Variants in SLC17A5 observed in about 807,000 individuals in gnomAD.
The protein encoded by SLC17A5 is solute carrier family 17 member 5, also known as sialin.
In SLC17A5, 47 loss-of-function variants were observed where a neutral mutation model predicts 59.4. That is an observed-to-expected ratio of 0.79 (90% CI 0.63 to 1.01). The LOEUF is 1.01. Among genes scored for constraint, SLC17A5 ranks in the 50% least tolerant of loss-of-function variants. The probability of loss-of-function intolerance (pLI) is 0.00; values close to 1 mark genes in which losing one functional copy is unlikely to be tolerated. For synonymous variants in SLC17A5, 202 were observed against 210.7 expected, an observed-to-expected ratio of 0.96 and a Z score of 0.36; for missense variants, 522 against 595.5, an observed-to-expected ratio of 0.88 and a Z score of 1.28.
chr6:73,619,142 C>T (rs1016822873), intron 7 of SLC17A5, among the ~76,000 whole-genome samples: 17 of 152,106 alleles, frequency 1.1e-4, no homozygotes, highest in Admixed American at 3.3e-4. Context: ...AGACACTCAA[C>T]ATTTATTAAG....
chr6:73,626,227 T>C (rs1768405476), intron 6 of SLC17A5, among the ~76,000 whole-genome samples: 1 of 152,206 alleles, frequency 6.6e-6, no homozygotes, highest in Non-Finnish European at 1.5e-5. Flanking sequence ...TCTGATGTTT[T>C]TGAACAATCA....
intron 7 of SLC17A5, among the ~76,000 whole-genome samples, chr6:73,619,625 A>C (rs140578860): frequency 1.3e-5 from 2 of 151,420 alleles, no homozygotes; most frequent in African/African-American, 4.9e-5. Flanking sequence ...CTATATAATT[A>C]TAGAATTATT....
chr6:73,619,546 A>G (rs1768042448), intron 7 of SLC17A5, among the ~76,000 whole-genome samples: 1 of 152,040 alleles, frequency 6.6e-6, no homozygotes, highest in African/African-American at 2.4e-5. Context: ...AACAAAAACA[A>G]AAACACCTAG....
At chr6:73,614,999 G>A (rs1257032764) in intron 8 of SLC17A5, among the ~76,000 whole-genome samples, 1 of 152,110 alleles carries the variant, frequency 6.6e-6, no homozygotes, top group Non-Finnish European at 1.5e-5. Flanking sequence ...TCACAAGCTG[G>A]GACTTGTGAT....
chr6:73,622,046 A>G, intron 6 of SLC17A5, 84 bp from the exon 7 acceptor site: 1 of 1,347,842 alleles, frequency 7.4e-7, no homozygotes. Context: ...CTCTATCCAG[A>G]ATTCATACAG....
At chr6:73,638,989 T>C (rs1490946253) in intron 3 of SLC17A5, among the ~76,000 whole-genome samples, 3 of 151,986 alleles carry the variant, frequency 2.0e-5, no homozygotes, top group Non-Finnish European at 4.4e-5. Context: ...TATTACTAAC[T>C]TATAACTTTA....
At chr6:73,619,085 G>A (rs1768013490) in intron 7 of SLC17A5, among the ~76,000 whole-genome samples, 1 of 152,050 alleles carries the variant, frequency 6.6e-6, no homozygotes, top group African/African-American at 2.4e-5. Flanking sequence ...GGAAGCTCAA[G>A]GAGAAGGAAA....
At chr6:73,610,161 G>A in intron 9 of SLC17A5, among the ~76,000 whole-genome samples, 1 of 151,912 alleles carries the variant, frequency 6.6e-6, no homozygotes, top group African/African-American at 2.4e-5. Flanking sequence ...AGCCTCCTAA[G>A]TAGCTGGGAT....
At position 73,599,151 on chromosome 6, in the gene SLC17A5, C is replaced by T. The variant is rs143471807; in HGVS notation, c.1350+1200G>A. 1.7e-3 allele frequency among the ~76,000 whole-genome samples: 264 copies of T among 152,238 alleles called. 1 individual carries two copies. The highest frequency in any genetic ancestry group is 6.0e-3 in the African/African-American group (248 of 41,558). On this transcript the variant is annotated intron_variant, in intron 10 of 10. Transcript: ENST00000355773. ...GAGCTGAGACTGCACCACTGTACTCCAGACTGGGCAACGGAGTGCGAAACT... is the reference window on the plus strand; with the variant it reads ...GAGCTGAGACTGCACCACTGTACTCTAGACTGGGCAACGGAGTGCGAAACT...
intron 6 of SLC17A5, among the ~76,000 whole-genome samples, chr6:73,624,521 G>A (rs1768313337): frequency 6.6e-6 from 1 of 152,048 alleles, no homozygotes; most frequent in Non-Finnish European, 1.5e-5. Flanking sequence ...CCTTTAAAAA[G>A]TCTATTTCTG....
chr6:73,607,158 A>T (rs1339690966), intron 9 of SLC17A5, among the ~76,000 whole-genome samples: 1 of 152,210 alleles, frequency 6.6e-6, no homozygotes, highest in African/African-American at 2.4e-5. Context: ...CCTTTATTGC[A>T]TTATGAGCAA....
intron 9 of SLC17A5, among the ~76,000 whole-genome samples, chr6:73,604,377 G>C (rs977871422): frequency 6.6e-6 from 1 of 152,190 alleles, no homozygotes; most frequent in Non-Finnish European, 1.5e-5. Context: ...TGCTGTTGGA[G>C]TACTATTGGA....
At chr6:73,620,172 C>T (rs1768077015) in intron 7 of SLC17A5, among the ~76,000 whole-genome samples, 2 of 152,130 alleles carry the variant, frequency 1.3e-5, no homozygotes, top group African/African-American at 4.8e-5. Flanking sequence ...ATCCACCCAC[C>T]TCGGCCTCCC....
chr6:73,595,254 T>C, intron 10 of SLC17A5, 40 bp from the exon 11 acceptor site: 4 of 1,609,614 alleles, frequency 2.5e-6, no homozygotes, highest in Non-Finnish European at 3.4e-6. Context: ...AATAAAATTT[T>C]GTGTGTAGTT....
At position 73,641,760 on chromosome 6, in the gene SLC17A5, G is replaced by C; in HGVS notation, c.456C>G (p.Phe152Leu). 1.9e-6 allele frequency: 3 copies of C among 1,614,134 alleles called. No individual in the cohort carries two copies. Among genetic ancestry groups the C allele is most frequent in the Non-Finnish European group, 2.5e-6 (3 of 1,180,012 alleles). The change falls in exon 3 of 11, where the codon TTC becomes TTG. Residue 152 changes from phenylalanine (F) to leucine (L), a missense_variant. Physicochemically the swap from Phe to Leu is conservative, Grantham distance 22 (BLOSUM62 0). Transcript: ENST00000355773. Reference sequence around the variant, plus strand: ...CTCCTAAATCTGCAGCAATGGGAGTGAACAGGGTGAGGACAGCAGTGCCAA... The same window carrying C: ...CTCCTAAATCTGCAGCAATGGGAGTCAACAGGGTGAGGACAGCAGTGCCAA... ...GILGTAVLTL[F>L]TPIAADLGVG...
At chr6:73,653,276 G>A (rs1581997066) in intron 1 of SLC17A5, 2 of 985,450 alleles carry the variant, frequency 2.0e-6, no homozygotes, top group Admixed American at 1.2e-4. Context: ...CAGGTCACAT[G>A]CTGGCGGATA....
intron 7 of SLC17A5, among the ~76,000 whole-genome samples, chr6:73,621,240 G>A (rs1768136927): frequency 6.6e-6 from 1 of 151,790 alleles, no homozygotes; most frequent in African/African-American, 2.4e-5. Flanking sequence ...CCTGACCTCA[G>A]GTGATCCGCC....
At chr6:73,622,042 C>G (rs1226432297) in intron 6 of SLC17A5, 80 bp from the exon 7 acceptor site, 3 of 1,395,296 alleles carry the variant, frequency 2.2e-6, no homozygotes, top group African/African-American at 1.4e-5. Flanking sequence ...AAAACTCTAT[C>G]CAGAATTCAT....
At chr6:73,633,877 C>CT (rs1481821359) in intron 6 of SLC17A5, among the ~76,000 whole-genome samples, 2 of 148,750 alleles carry the variant, frequency 1.3e-5, no homozygotes, top group Admixed American at 6.7e-5. Flanking sequence ...GAAACTCCGT[C>CT]TAAAAAAAAA....
Sources: gnomAD v4.1 joint callset for allele counts (sites outside exome capture counted in the v4.1 genomes callset) on GRCh38, gnomAD v4.1.1 for gene constraint, MANE v1.5 for transcripts, NCBI Gene and HGNC (gene_info 2026-07-23, HGNC 2026-07-21) for gene names.